FNBP1L: variants seen among roughly 807,000 people sequenced by gnomAD.
FNBP1L encodes the protein formin-binding protein 1-like.
In FNBP1L, 36 loss-of-function variants were observed where a neutral mutation model predicts 91.2. The ratio of observed to expected loss-of-function variants is 0.39; its 90% CI spans 0.30 to 0.52. FNBP1L has a LOEUF of 0.52. FNBP1L is among the 20% of genes least tolerant of loss of function. FNBP1L has a pLI of 0.66. For missense variants in FNBP1L, 571 were observed against 732.1 expected (o/e 0.78, Z 2.54); for synonymous variants, 242 against 237.0 (o/e 1.02, Z -0.19).
intron 2 of FNBP1L, among the ~76,000 whole-genome samples, chr1:93,513,379 A>C (rs1450037900): frequency 6.6e-6 from 1 of 152,020 alleles, no homozygotes; most frequent in Non-Finnish European, 1.5e-5. Context: ...AAACTATTCC[A>C]ATCAATAGAA....
intron 10 of FNBP1L, among the ~76,000 whole-genome samples, chr1:93,537,264 A>G (rs1671879977): frequency 6.6e-6 from 1 of 152,132 alleles, no homozygotes. Flanking sequence ...TTTGAAAAAC[A>G]TAGGTTCATT....
chr1:93,510,434 C>A (rs1014756667), intron 2 of FNBP1L, among the ~76,000 whole-genome samples: 6 of 152,172 alleles, frequency 3.9e-5, no homozygotes, highest in African/African-American at 1.4e-4. Context: ...ACAGAAAGGA[C>A]ATCCACACCA....
intron 16 of FNBP1L, chr1:93,551,615 A>C: frequency 2.0e-6 from 2 of 984,870 alleles, no homozygotes; most frequent in Non-Finnish European, 1.2e-6. Context: ...ATAATTTAGT[A>C]AAATAATAAC....
At chr1:93,480,056 G>A (rs1669639526) in intron 1 of FNBP1L, among the ~76,000 whole-genome samples, 1 of 152,132 alleles carries the variant, frequency 6.6e-6, no homozygotes, top group South Asian at 2.1e-4. Flanking sequence ...GTATTATTAG[G>A]GAAGTGATAA....
At chr1:93,482,015 C>T (rs574359840) in intron 1 of FNBP1L, among the ~76,000 whole-genome samples, 2 of 151,992 alleles carry the variant, frequency 1.3e-5, no homozygotes, top group South Asian at 4.2e-4. Flanking sequence ...CAAAAAATAG[C>T]CAGTTGTAGT....
chr1:93,475,563 A>G (rs1269823316), intron 1 of FNBP1L, among the ~76,000 whole-genome samples: 1 of 152,160 alleles, frequency 6.6e-6, no homozygotes, highest in Non-Finnish European at 1.5e-5. Flanking sequence ...AACAAAAACC[A>G]AACTCCTTAT....
intron 7 of FNBP1L, among the ~76,000 whole-genome samples, chr1:93,532,617 G>A (rs957454739): frequency 6.6e-6 from 1 of 151,874 alleles, no homozygotes; most frequent in African/African-American, 2.4e-5. Flanking sequence ...AGTAAAAGGT[G>A]GGAGTGCTAT....
At chr1:93,531,974 A>G (rs982844216) in intron 7 of FNBP1L, among the ~76,000 whole-genome samples, 2 of 152,130 alleles carry the variant, frequency 1.3e-5, no homozygotes, top group African/African-American at 2.4e-5. Flanking sequence ...CATATTTCCT[A>G]GTGGCATGTG....
At position 93,523,464 on chromosome 1, in the gene FNBP1L, T is replaced by C; in HGVS notation, c.315T>C (p.Ala105=). 1 of 1,607,600 alleles carries C rather than the reference T, an allele frequency of 6.2e-7. No individual in the cohort carries two copies. The highest frequency in any genetic ancestry group is 8.5e-7 in the Non-Finnish European group (1 of 1,177,094). ...HRVYGELMRY[A]HDLKTERKMH... Reference sequence around the variant, plus strand: ...TGTATGGTGAATTAATGAGATATGCTCATGATCTGAAAACTGAAAGAAAAA... The same window carrying C: ...TGTATGGTGAATTAATGAGATATGCCCATGATCTGAAAACTGAAAGAAAAA... The change falls in exon 4 of 17, where the codon GCT becomes GCC. Residue 105 remains alanine, a synonymous_variant. Coordinates refer to ENST00000271234, the MANE Select transcript of FNBP1L (RefSeq NM_001164473.3).
chr1:93,473,063 A>AT (rs1378882705), intron 1 of FNBP1L, among the ~76,000 whole-genome samples: 3 of 151,920 alleles, frequency 2.0e-5, no homozygotes, highest in African/African-American at 2.4e-5. Flanking sequence ...AATGTATAGG[A>AT]TTTTTTGTCT....
chr1:93,551,323 T>G (rs1672407832), intron 16 of FNBP1L: 1 of 1,227,872 alleles, frequency 8.1e-7, no homozygotes, highest in Non-Finnish European at 1.0e-6. Flanking sequence ...TTGAGTAACG[T>G]TGGTGTGAAG....
intron 2 of FNBP1L, among the ~76,000 whole-genome samples, chr1:93,521,572 C>T (rs1296364365): frequency 6.6e-6 from 1 of 152,190 alleles, no homozygotes; most frequent in Non-Finnish European, 1.5e-5. Context: ...ATAACCTACC[C>T]ACATCCTCCC....
intron 4 of FNBP1L, 103 bp from the exon 5 acceptor site, chr1:93,524,158 C>G (rs1445849171): frequency 1.1e-5 from 9 of 839,206 alleles, no homozygotes; most frequent in African/African-American, 1.8e-5. Context: ...AAGTGAAAAG[C>G]CTTTTGGGGA....
rs1176197681 is a variant in FNBP1L, at chr1:93,507,162, C to A, written c.140+7579C>A. Among the ~76,000 whole-genome samples, 3 of 143,152 alleles carry A rather than the reference C, an allele frequency of 2.1e-5. No homozygotes were observed. The Admixed American group carries it at 2.1e-4, about 10-fold the overall frequency. The allele number at this position is 143,152 out of a possible 152,430, so 93.9% of individuals were successfully genotyped here. A position where few individuals can be genotyped will look rare whatever the true frequency, so the allele number is the denominator to read the frequency against. On this transcript the variant is annotated intron_variant, in intron 2 of 16. Transcript: ENST00000271234. Reference sequence around the variant, plus strand: ...TCTCTCTCTCTCTCTTTCTCTCCGTCCCTCCCTCCCCCACCCCCCCAAACA... The same window carrying A: ...TCTCTCTCTCTCTCTTTCTCTCCGTACCTCCCTCCCCCACCCCCCCAAACA...
intron 7 of FNBP1L, among the ~76,000 whole-genome samples, chr1:93,532,049 C>T (rs1671693443): frequency 6.6e-6 from 1 of 152,266 alleles, no homozygotes; most frequent in East Asian, 1.9e-4. Flanking sequence ...TCCTGTTTTT[C>T]CTCACGTATC....
intron 1 of FNBP1L, among the ~76,000 whole-genome samples, chr1:93,462,293 A>G (rs535305888): frequency 6.6e-6 from 1 of 152,224 alleles, no homozygotes; most frequent in South Asian, 2.1e-4. Flanking sequence ...TTTTAAATTG[A>G]TAGACTTTAT....
In FNBP1L at chr1:93,540,898, G is replaced by A. The variant is rs1426042275; in HGVS notation, c.1150-144G>A. The A allele has an allele frequency of 7.2e-6, 4 of 556,680 alleles. No homozygotes were observed. In the African/African-American group the frequency reaches 7.9e-5, roughly 11 times the overall value. 34.5% of individuals were successfully genotyped at this position (556,680 alleles called of 1,614,324 possible). A position where few individuals can be genotyped will look rare whatever the true frequency, so the allele number is the denominator to read the frequency against. On this transcript the variant is annotated intron_variant, in intron 10 of 16. Transcript: ENST00000271234. ...ACTTTCCCAAAATGTGCTTAAAATGGTTTTTCTGGCATAATTGTTTGGATT... is the reference window on the plus strand; with the variant it reads ...ACTTTCCCAAAATGTGCTTAAAATGATTTTTCTGGCATAATTGTTTGGATT...
At chr1:93,526,295 TAGTC>T (rs1474460307) in intron 5 of FNBP1L, among the ~76,000 whole-genome samples, 2 of 152,190 alleles carry the variant, frequency 1.3e-5, no homozygotes, top group Non-Finnish European at 2.9e-5. Flanking sequence ...GTTCCATAGT[TAGTC>T]AGTAGCCCAC....
intron 1 of FNBP1L, among the ~76,000 whole-genome samples, chr1:93,484,707 A>G (rs181455340): frequency 6.6e-6 from 1 of 152,354 alleles, no homozygotes. Context: ...CAAAGGCTAA[A>G]CAGTATAACA....
Sources: allele counts gnomAD v4.1 joint callset (sites outside exome capture counted in the v4.1 genomes callset), GRCh38; gene constraint gnomAD v4.1.1; transcripts MANE v1.5; gene names NCBI Gene and HGNC (gene_info 2026-07-23, HGNC 2026-07-21).